The following NR1D1 variants were observed in gnomAD, a reference collection of about 807,000 sequenced individuals.
NR1D1 encodes Rev-ErbAalpha.
A neutral mutation model predicts 51.1 loss-of-function variants in NR1D1; 17 were observed. That is an observed-to-expected ratio of 0.33 (90% CI 0.23 to 0.50). NR1D1 has a LOEUF of 0.50. Among genes scored for constraint, NR1D1 ranks in the 20% least tolerant of loss-of-function variants. The pLI is 0.98. For missense variants in NR1D1, 647 were observed against 830.4 expected (o/e 0.78, Z 2.71); for synonymous variants, 341 against 333.4 (o/e 1.02, Z -0.25).
Position 40,100,176 on chromosome 17 carries a change from C to CA in NR1D1, c.-83dup. 5.3e-6 allele frequency: 6 copies of CA among 1,129,586 alleles called. No homozygotes were observed. Among genetic ancestry groups the CA allele is most frequent in the Non-Finnish European group, 6.8e-6 (5 of 740,598 alleles). 70.0% of individuals were successfully genotyped at this position (1,129,586 alleles called of 1,614,324 possible). A position where few individuals can be genotyped will look rare whatever the true frequency, so the allele number is the denominator to read the frequency against. On this transcript the variant is annotated 5_prime_UTR_variant, in exon 1 of 8. The change creates a premature stop within an existing upstream ORF in the 5' untranslated region. Coordinates refer to ENST00000246672, the MANE Select transcript of NR1D1 (RefSeq NM_021724.5). ...GCGATCGCCGCTGTTGCCCCCTGGG[C>CA]ACTGGCTAAGGGCGGGGAGTGGACC...
At chr17:40,100,015 G>A (rs200532866) in intron 1 of NR1D1, 49 bp downstream of exon 1, 8 of 1,382,700 alleles carry the variant, frequency 5.8e-6, no homozygotes, top group East Asian at 2.3e-5. Flanking sequence ...GTAGATGGAG[G>A]TGGGGAGACA....
chr17:40,097,020 C>A (rs758927988), intron 2 of NR1D1, 45 bp downstream of exon 2: 1 of 1,534,166 alleles, frequency 6.5e-7, no homozygotes, highest in Admixed American at 1.9e-5. Context: ...CCAATCTGGC[C>A]CTGGCCTGCT....
Position 40,094,979 on chromosome 17 carries a change from A to G in NR1D1, c.1390T>C (p.Ser464Pro). Residue 464 changes from serine (S) to proline (P), a missense_variant, in exon 6 of 8, where the codon TCT (serine) becomes CCT (proline). Ser to Pro is a moderately conservative substitution (Grantham distance 74). This residue lies in a region of NR1D1 where 155 missense variants were observed against 236.8 expected (regional missense o/e 0.65). Coordinates refer to ENST00000246672, the MANE Select transcript of NR1D1 (RefSeq NM_021724.5). ...AKHIPGFRDL[S>P]QHDQVTLLKA... Reference sequence around the variant, plus strand: ...AGCAGGGTGACTTGGTCATGCTGAGAAAGGTCACGGAAGCCCGGGATGTGT... The same window carrying G: ...AGCAGGGTGACTTGGTCATGCTGAGGAAGGTCACGGAAGCCCGGGATGTGT... 6.2e-7 allele frequency: 1 copy of G among 1,614,164 alleles called. No individual in the cohort carries two copies. The highest frequency in any genetic ancestry group is 1.1e-5 in the South Asian group (1 of 91,088).
chr17:40,097,053 A>C lies in NR1D1; in HGVS notation c.370+12T>G. On this transcript the variant is annotated intron_variant, in intron 2 of 7. Transcript: ENST00000246672. Reference sequence around the variant, plus strand: ...GCTTCCCTTCCCCCGAATCAGCTGGAAAGGTACTCACTGGTGATGTTGCTG... The same window carrying C: ...GCTTCCCTTCCCCCGAATCAGCTGGCAAGGTACTCACTGGTGATGTTGCTG... The C allele has an allele frequency of 1.3e-6, 2 of 1,577,492 alleles. No homozygotes were observed. Among genetic ancestry groups the C allele is most frequent in the Non-Finnish European group, 1.7e-6 (2 of 1,161,632 alleles).
At position 40,095,467 on chromosome 17, in the gene NR1D1, C is replaced by T. The variant is rs2145100816; in HGVS notation, c.1225G>A (p.Gly409Ser). ...ACCAGCAGAACATTCTTTGAGTTGC[C>T]CTGCCGGGGACTGTTGGCAGGTGCC... ...GKAPANSPRQ[G>S]NSKNVLLACP... The change falls in exon 5 of 8, where the codon GGC (glycine) becomes AGC (serine). Residue 409 changes from glycine (G) to serine (S), a missense_variant. Physicochemically the swap from Gly to Ser is moderately conservative, Grantham distance 56. Transcript: ENST00000246672. 1 of 1,531,940 alleles carries T rather than the reference C, an allele frequency of 6.5e-7. No homozygotes were observed. Among genetic ancestry groups the T allele is most frequent in the Non-Finnish European group, 8.8e-7 (1 of 1,139,770 alleles). The allele number at this position is 1,531,940 out of a possible 1,614,324, so 94.9% of individuals were successfully genotyped here.
chr17:40,096,649 AG>A (rs1987769355), intron 3 of NR1D1, 41 bp downstream of exon 3: 1 of 1,612,562 alleles, frequency 6.2e-7, no homozygotes. Context: ...GTCCAGGGGG[AG>A]GGGGCCACCT....
chr17:40,095,574 G>C lies in NR1D1; in HGVS notation c.1118C>G (p.Pro373Arg), dbSNP rs1484399004. 2.3e-5 allele frequency: 37 copies of C among 1,610,430 alleles called. No homozygotes were observed. The highest frequency in any genetic ancestry group is 3.0e-5 in the Non-Finnish European group (35 of 1,178,010). Residue 373 changes from proline (P) to arginine (R), a missense_variant, in exon 5 of 8, where the codon CCT (proline) becomes CGT (arginine). Coordinates refer to ENST00000246672, the MANE Select transcript of NR1D1 (RefSeq NM_021724.5). ...SSYPPTWPPG[P>R]AHHSCHQSNS... Reference sequence around the variant, plus strand: ...GGACTGGTGGCAGCTGTGGTGTGCAGGGCCAGGAGGCCAGGTGGGAGGGTA... The same window carrying C: ...GGACTGGTGGCAGCTGTGGTGTGCACGGCCAGGAGGCCAGGTGGGAGGGTA...
intron 1 of NR1D1, among the ~76,000 whole-genome samples, chr17:40,097,785 C>T (rs1987794447): frequency 6.6e-6 from 1 of 152,150 alleles, no homozygotes; most frequent in Non-Finnish European, 1.5e-5. Context: ...CCCAGTCCTC[C>T]AAAAACAAAA....
In NR1D1 at chr17:40,093,279, C is replaced by A; in HGVS notation, c.1649G>T (p.Arg550Leu). ...FTAVVLVSAD[R>L]SGMENSASVE... is the part of the protein sequence containing the mutation. Reference sequence around the variant, plus strand: ...CGAAGCGGAATTCTCCATGCCCGAGCGGTCTGTGGGGAAGACGACAGCAGT... The same window carrying A: ...CGAAGCGGAATTCTCCATGCCCGAGAGGTCTGTGGGGAAGACGACAGCAGT... Residue 550 changes from arginine (R) to leucine (L), a missense_variant, in exon 8 of 8, where the codon CGC becomes CTC. Physicochemically the swap from Arg to Leu is moderately radical, Grantham distance 102. Transcript: ENST00000246672. This position sits in a 1 kb window ranked among gnomAD's most constrained non-coding sequence, Gnocchi z 5.9. 6.2e-7 allele frequency: 1 copy of A among 1,613,638 alleles called. No homozygotes were observed.
At position 40,100,313 on chromosome 17, in the gene NR1D1, G is replaced by C. The variant is rs1987853020; in HGVS notation, c.-219C>G. 1.5e-5 allele frequency: 9 copies of C among 620,188 alleles called. No individual in the cohort carries two copies. The South Asian group carries it at 1.7e-4, about 12-fold the overall frequency. 38.4% of individuals were successfully genotyped at this position (620,188 alleles called of 1,614,324 possible). ...AGGCAACGGAGTTCTGCTTTGCATG[G>C]GAAGAGCAGAGAGAGTGTGTAGGGG... On this transcript the variant is annotated 5_prime_UTR_variant, in exon 1 of 8. Transcript: ENST00000246672.
Position 40,097,198 on chromosome 17 carries a change from G to C in NR1D1, c.237C>G (p.Gly79=). 1 of 1,611,820 alleles carries C rather than the reference G, an allele frequency of 6.2e-7. No individual in the cohort carries two copies. The part of the protein sequence containing the change: ...GSIPPSLSDD[G]SPSSSSSSSS... ...ACGAGGAAGATGAGGAAGAAGGGGA[G>C]CCGTCATCACTCAGGCTGGGTGGAA... is the stretch of plus-strand genomic sequence containing the variant. The change falls in exon 2 of 8, where the codon GGC becomes GGG. Residue 79 remains glycine, a synonymous_variant. Coordinates refer to ENST00000246672, the MANE Select transcript of NR1D1 (RefSeq NM_021724.5).
In NR1D1 at chr17:40,095,098, G is replaced by C; in HGVS notation, c.1271C>G (p.Pro424Arg). The C allele has an allele frequency of 3.7e-6, 6 of 1,613,516 alleles. No individual in the cohort carries two copies. The highest frequency in any genetic ancestry group is 5.1e-6 in the Non-Finnish European group (6 of 1,179,864). Residue 424 changes from proline to arginine, a missense_variant, in exon 6 of 8, where the codon CCG (proline) becomes CGG (arginine). Coordinates refer to ENST00000246672, the MANE Select transcript of NR1D1 (RefSeq NM_021724.5). ...VLLACPMNMY[P>R]HGRSGRTVQE... ...CACCGTTCGCCCACTGCGTCCATGC[G>C]GGTACATGTTCATAGGACATGCCTG...
rs1331375106 is a variant in NR1D1 at position 40,099,018 on chromosome 17, G to A, written c.31+1046C>T. ...TACTTTGTTTTGGTGATGGGGGAGG[G>A]GGCCGGGCAGGCGGACCGGAAAAGG... On this transcript the variant is annotated intron_variant, in intron 1 of 7. Transcript: ENST00000246672. Among the ~76,000 whole-genome samples, 5 of 151,996 alleles carry A rather than the reference G, an allele frequency of 3.3e-5. No individual in the cohort carries two copies. In the East Asian group the frequency reaches 7.7e-4, roughly 24 times the overall value.
In NR1D1 at chr17:40,100,187, G is replaced by A. The variant is rs200019429; in HGVS notation, c.-93C>T. The A allele has an allele frequency of 6.2e-6, 6 of 970,146 alleles. No homozygotes were observed. Among genetic ancestry groups the A allele is most frequent in the African/African-American group, 1.6e-5 (1 of 62,746 alleles). 60.1% of individuals were successfully genotyped at this position (970,146 alleles called of 1,614,324 possible). ...TGTTGCCCCCTGGGCACTGGCTAAG[G>A]GCGGGGAGTGGACCCCGCGACTCAC... On this transcript the variant is annotated 5_prime_UTR_variant, in exon 1 of 8. Transcript: ENST00000246672.
At chr17:40,095,236 T>C in intron 5 of NR1D1, 116 bp from the exon 6 acceptor site, 1 of 1,200,096 alleles carries the variant, frequency 8.3e-7, no homozygotes, top group Admixed American at 2.7e-5. Flanking sequence ...CCCTGAAGGA[T>C]GGGTCTTTCA....
rs1187816790 is a variant in NR1D1, at chr17:40,096,167, CAAGGCCCTGAAGG to C, written c.605-93_605-81del. 87 of 1,542,644 alleles carry C rather than the reference CAAGGCCCTGAAGG, an allele frequency of 5.6e-5. No homozygotes were observed. In the East Asian group the frequency reaches 1.9e-3, roughly 34 times the overall value. The stretch of plus-strand genomic sequence containing the variant: ...TCTTCCTTCCTTCCTCCTGAAAGGG[CAAGGCCCTGAAGG>C]CTTGGGGTTTCACATCAAAACTAAA... On this transcript the variant is annotated intron_variant, in intron 4 of 7. Transcript: ENST00000246672.
chr17:40,099,375 A>ACGGC (rs1987831171), intron 1 of NR1D1, among the ~76,000 whole-genome samples: 1 of 152,172 alleles, frequency 6.6e-6, no homozygotes, highest in Non-Finnish European at 1.5e-5. Context: ...TTATGTAACG[A>ACGGC]GGCCGGGAGG....
At chr17:40,096,315 G>A (rs1034855592) in intron 4 of NR1D1, 128 bp downstream of exon 4, 3 of 1,371,464 alleles carry the variant, frequency 2.2e-6, no homozygotes, top group African/African-American at 4.2e-5. Context: ...GCAAATGAAG[G>A]ATGGACATCC....
In NR1D1 at chr17:40,095,975, A is replaced by G. The variant is rs754011077; in HGVS notation, c.717T>C (p.Thr239=). 6.8e-6 allele frequency: 11 copies of G among 1,612,216 alleles called. No homozygotes were observed. Among genetic ancestry groups the G allele is most frequent in the Non-Finnish European group, 1.7e-6 (2 of 1,179,872 alleles). Residue 239 remains threonine, a synonymous_variant, in exon 5 of 8, where the codon ACT becomes ACC. Coordinates refer to ENST00000246672, the MANE Select transcript of NR1D1 (RefSeq NM_021724.5). ...NQLSSQCPLE[T]SPTQHPTPGP... ...CTGGGGTGGGGTGCTGGGTGGGTGA[A>G]GTCTCCAGCGGGCACTGGCTGCTCA...
Sources: allele counts gnomAD v4.1 joint callset (sites outside exome capture counted in the v4.1 genomes callset), GRCh38; gene constraint gnomAD v4.1.1; regional missense constraint gnomAD v4.1.1; non-coding constraint Gnocchi (gnomAD v3.1); transcripts MANE v1.5; gene names NCBI Gene and HGNC (gene_info 2026-07-23, HGNC 2026-07-21).